The following ACACA variants were observed in gnomAD, a reference collection of about 807,000 sequenced individuals.
ACACA encodes the protein acetyl-CoA carboxylase alpha.
In ACACA, 103 loss-of-function variants were observed where a neutral mutation model predicts 296.1. That is an observed-to-expected ratio of 0.35 (90% CI 0.30 to 0.41). The LOEUF is 0.41. ACACA is among the 10% of genes least tolerant of loss of function. ACACA has a pLI of 1.00. For missense variants in ACACA, 1,554 were observed against 2,989.7 expected, an observed-to-expected ratio of 0.52 and a Z score of 11.20; for synonymous variants, 953 against 1,038.6, an observed-to-expected ratio of 0.92 and a Z score of 1.58.
intron 4 of ACACA, among the ~76,000 whole-genome samples, chr17:37,284,449 A>G (rs1455076198): frequency 6.6e-6 from 1 of 152,056 alleles, no homozygotes; most frequent in East Asian, 1.9e-4. Flanking sequence ...TCTTTCAAAA[A>G]CATGTTTTGT....
At chr17:37,152,657 G>T (rs1567729313) in intron 43 of ACACA, among the ~76,000 whole-genome samples, 2 of 152,144 alleles carry the variant, frequency 1.3e-5, no homozygotes, top group Admixed American at 1.3e-4. Context: ...AGGAGTGATA[G>T]CTGATAATGG....
chr17:37,233,696 A>G (rs1003489661), intron 25 of ACACA, among the ~76,000 whole-genome samples: 1 of 152,226 alleles, frequency 6.6e-6, no homozygotes, highest in African/African-American at 2.4e-5. Context: ...TAAATTAAAA[A>G]AAACATCTAA....
At chr17:37,274,379 G>T in intron 8 of ACACA, 80 bp from the exon 9 acceptor site, 1 of 1,340,156 alleles carries the variant, frequency 7.5e-7, no homozygotes, top group Non-Finnish European at 1.1e-6. Flanking sequence ...TCTTTGAAAT[G>T]CTATCATATT....
At chr17:37,280,653 A>G (rs1211133350) in intron 5 of ACACA, among the ~76,000 whole-genome samples, 1 of 152,104 alleles carries the variant, frequency 6.6e-6, no homozygotes, top group Non-Finnish European at 1.5e-5. Flanking sequence ...TAGATTCGCC[A>G]TAAGTTGATA....
chr17:37,390,635 A>AG (rs1295612912), intron 1 of ACACA, among the ~76,000 whole-genome samples: 1 of 149,562 alleles, frequency 6.7e-6, no homozygotes. Context: ...TCAAAAAGAG[A>AG]GAAAAAAAAA....
chr17:37,099,620 AGGAGGGCTGATGGAG>A (rs1457568363), intron 52 of ACACA, among the ~76,000 whole-genome samples: 2 of 117,984 alleles, frequency 1.7e-5, no homozygotes, highest in Non-Finnish European at 1.7e-5. Context: ...GGCTGATGGC[AGGAGGGCTGATGGAG>A]GGAGGGCTGA....
chr17:37,124,045 C>T (rs1168740980), intron 48 of ACACA, among the ~76,000 whole-genome samples: 1 of 152,190 alleles, frequency 6.6e-6, no homozygotes, highest in Non-Finnish European at 1.5e-5. Flanking sequence ...TAATAAAAGA[C>T]AATTTACAGC....
At chr17:37,149,672 AAATG>A (rs537722250) in intron 45 of ACACA, among the ~76,000 whole-genome samples, 188 bp downstream of exon 45, 3 of 152,202 alleles carry the variant, frequency 2.0e-5, no homozygotes, top group Non-Finnish European at 4.4e-5. Flanking sequence ...TTGATAAATG[AAATG>A]AATGAATGAA....
At chr17:37,160,579 G>C (rs2076419820) in intron 42 of ACACA, among the ~76,000 whole-genome samples, 1 of 152,106 alleles carries the variant, frequency 6.6e-6, no homozygotes, top group Non-Finnish European at 1.5e-5. Context: ...CAACAGAACT[G>C]TTTTTTTCTC....
At chr17:37,188,738 C>T (rs1015665611) in intron 38 of ACACA, among the ~76,000 whole-genome samples, 1 of 152,142 alleles carries the variant, frequency 6.6e-6, no homozygotes, top group African/African-American at 2.4e-5. Context: ...CAACTCCTTC[C>T]CCTTTCCCAA....
chr17:37,283,539 C>T, intron 4 of ACACA, 134 bp from the exon 5 acceptor site: 1 of 1,111,294 alleles, frequency 9.0e-7, no homozygotes, highest in Non-Finnish European at 1.3e-6. Flanking sequence ...ATTCTTGTTA[C>T]TGGTCCAGAC....
intron 41 of ACACA, 109 bp downstream of exon 41, chr17:37,179,151 T>C (rs1333023885): frequency 1.5e-6 from 2 of 1,368,486 alleles, no homozygotes; most frequent in East Asian, 4.6e-5. Flanking sequence ...TCTAAAGAAC[T>C]CTCCCAACAA....
intron 29 of ACACA, among the ~76,000 whole-genome samples, chr17:37,216,150 A>C (rs1262457508): frequency 2.3e-3 from 318 of 135,642 alleles, no homozygotes; most frequent in Non-Finnish European, 3.4e-3. Context: ...ACACACACAC[A>C]CACACACAAC....
At chr17:37,369,324 A>G (rs1014565842) in intron 1 of ACACA, 5 of 152,154 alleles carry the variant, frequency 3.3e-5, no homozygotes, top group African/African-American at 1.2e-4. Flanking sequence ...GGGAGACCCT[A>G]TCTCACAAAA....
In ACACA at chr17:37,295,363, C is replaced by T. The variant is rs138995803; in HGVS notation, c.339-10393G>A. ...AAACCCCAAACTTTGGGATTACCTC[C>T]TGGCTGGCTTGCCAAAATATGTTAC... On this transcript the variant is annotated intron_variant, in intron 3 of 55. Transcript: ENST00000616317. Among the ~76,000 whole-genome samples, 24 of 152,338 alleles carry T rather than the reference C, an allele frequency of 1.6e-4. No homozygotes were observed. In the East Asian group the frequency reaches 4.4e-3, roughly 28 times the overall value.
chr17:37,347,079 C>A (rs2048659407), intron 1 of ACACA, among the ~76,000 whole-genome samples: 1 of 152,162 alleles, frequency 6.6e-6, no homozygotes, highest in African/African-American at 2.4e-5. Context: ...TCTTTAATTT[C>A]CACGTGTTGT....
intron 2 of ACACA, among the ~76,000 whole-genome samples, chr17:37,336,923 A>C (rs2048146003): frequency 6.6e-6 from 1 of 152,170 alleles, no homozygotes; most frequent in Admixed American, 6.5e-5. Flanking sequence ...TTCTGGTGTA[A>C]TTTGTGAGTC....
chr17:37,151,037 C>T (rs919033282), intron 44 of ACACA, among the ~76,000 whole-genome samples: 6 of 148,818 alleles, frequency 4.0e-5, no homozygotes, highest in African/African-American at 7.5e-5. Flanking sequence ...GGTGACAGGG[C>T]GAGACTCCAT....
chr17:37,177,290 G>GTGTA (rs1555575601), intron 41 of ACACA, among the ~76,000 whole-genome samples: 8 of 151,802 alleles, frequency 5.3e-5, no homozygotes, highest in African/African-American at 1.9e-4. Context: ...GTGTGTGTGT[G>GTGTA]TGTGTGTGTG....
Sources: allele counts gnomAD v4.1 joint callset (sites outside exome capture counted in the v4.1 genomes callset), GRCh38; gene constraint gnomAD v4.1.1; transcripts MANE v1.5; gene names NCBI Gene and HGNC (gene_info 2026-07-23, HGNC 2026-07-21).